The following ANKRD11 variants were observed in gnomAD, a reference collection of about 807,000 sequenced individuals.
The protein encoded by ANKRD11 is ankyrin repeat domain 11.
Under a neutral mutation model 195.7 loss-of-function variants are expected in ANKRD11, and 17 were observed. The observed-to-expected ratio is 0.09, with a 90% confidence interval of 0.06 to 0.13. The LOEUF is 0.13. Ranked by LOEUF, ANKRD11 falls within the 10% of genes least tolerant of loss-of-function variation. ANKRD11 has a pLI of 1.00. For missense variants in ANKRD11, 3,735 were observed against 3,566.1 expected, an observed-to-expected ratio of 1.05 and a Z score of -1.21; for synonymous variants, 1,953 against 1,528.1, an observed-to-expected ratio of 1.28 and a Z score of -6.49.
intron 1 of ANKRD11, among the ~76,000 whole-genome samples, chr16:89,480,295 C>T (rs905142731): frequency 2.6e-5 from 4 of 151,240 alleles, no homozygotes; most frequent in African/African-American, 7.3e-5. Context: ...GCTAACATGG[C>T]GAAACCCTGA....
chr16:89,276,575 C>A (rs1420755937), intron 9 of ANKRD11, among the ~76,000 whole-genome samples: 2 of 152,192 alleles, frequency 1.3e-5, no homozygotes, highest in African/African-American at 4.8e-5. Context: ...CACTGCTGAC[C>A]GACACTGCCC....
At chr16:89,453,519 GCTAAGGTGTCCCCTAGGA>G (rs1439860115) in intron 1 of ANKRD11, among the ~76,000 whole-genome samples, 1 of 152,194 alleles carries the variant, frequency 6.6e-6, no homozygotes, top group Non-Finnish European at 1.5e-5. Flanking sequence ...CGTCCTGCCT[GCTAAGGTGTCCCCTAGGA>G]CAAAGCTGCT....
Position 89,490,540 on chromosome 16 carries a change from G to T in ANKRD11, c.-440C>A, listed in dbSNP as rs1280712275. On this transcript the variant is annotated 5_prime_UTR_variant, in exon 1 of 13. Coordinates refer to ENST00000301030, the MANE Select transcript of ANKRD11 (RefSeq NM_013275.6). ...CCGGCTGGGGCCCTCGGTCCATCGC[G>T]CACCGTCTCAGGGCGGCCTCTGGCT... is the stretch of plus-strand genomic sequence containing the variant. 2 of 456,688 alleles carry T rather than the reference G, an allele frequency of 4.4e-6. No homozygotes were observed. The highest frequency in any genetic ancestry group is 7.8e-6 in the Non-Finnish European group (2 of 256,074). 28.3% of individuals were successfully genotyped at this position (456,688 alleles called of 1,614,324 possible).
At chr16:89,458,432 G>C (rs1453623068) in intron 1 of ANKRD11, among the ~76,000 whole-genome samples, 1 of 152,076 alleles carries the variant, frequency 6.6e-6, no homozygotes. Context: ...CACCATGTTA[G>C]CCAGGATGGT....
At chr16:89,337,410 G>T (rs972568565) in intron 2 of ANKRD11, among the ~76,000 whole-genome samples, 1 of 130,056 alleles carries the variant, frequency 7.7e-6, no homozygotes, top group South Asian at 2.7e-4. Context: ...CACAATACAT[G>T]AACATGGTCT....
rs556312928 is a variant in ANKRD11 at position 89,409,888 on chromosome 16, G to A, written c.-60+8396C>T. 4.0e-5 allele frequency among the ~76,000 whole-genome samples: 6 copies of A among 151,150 alleles called. No homozygotes were observed. The South Asian group carries it at 1.2e-3, about 31-fold the overall frequency. On this transcript the variant is annotated intron_variant, in intron 2 of 12. Coordinates refer to ENST00000301030, the MANE Select transcript of ANKRD11 (RefSeq NM_013275.6). ...GGAGTCTCGCTCTGTCGCCCAGGCT[G>A]GAGTGTAGTGGCACAATCTCAACTC...
chr16:89,441,014 G>C (rs1169711546), intron 1 of ANKRD11, among the ~76,000 whole-genome samples: 1 of 152,186 alleles, frequency 6.6e-6, no homozygotes, highest in African/African-American at 2.4e-5. Flanking sequence ...GAGGCGGGCA[G>C]ATCATGAGGT....
chr16:89,340,853 G>C (rs995310997), intron 2 of ANKRD11, among the ~76,000 whole-genome samples: 7 of 152,184 alleles, frequency 4.6e-5, no homozygotes, highest in African/African-American at 1.7e-4. Flanking sequence ...AGGATGCACA[G>C]CTTTTGCCCA....
intron 3 of ANKRD11, among the ~76,000 whole-genome samples, chr16:89,307,875 CCACCAT>C (rs1567619346): frequency 1.3e-5 from 2 of 152,256 alleles, no homozygotes; most frequent in Non-Finnish European, 2.9e-5. Context: ...TGAAGAGAGG[CCACCAT>C]CACCCTAATC....
intron 2 of ANKRD11, among the ~76,000 whole-genome samples, chr16:89,365,907 G>A (rs1165874795): frequency 6.6e-6 from 1 of 151,946 alleles, no homozygotes; most frequent in African/African-American, 2.4e-5. Flanking sequence ...GTCCCTCTCT[G>A]TGTCCACGTG....
At chr16:89,464,804 C>T (rs779738327) in intron 1 of ANKRD11, among the ~76,000 whole-genome samples, 10 of 151,898 alleles carry the variant, frequency 6.6e-5, no homozygotes, top group Non-Finnish European at 1.3e-4. Context: ...AGGAAGAAGC[C>T]GCAGAGATCA....
intron 1 of ANKRD11, among the ~76,000 whole-genome samples, chr16:89,474,292 T>C (rs1158405645): frequency 6.6e-6 from 1 of 152,062 alleles, no homozygotes; most frequent in Admixed American, 6.6e-5. Flanking sequence ...AATAAATGTG[T>C]TGTGTGTCAA....
chr16:89,440,206 G>C (rs1046865162), intron 1 of ANKRD11, among the ~76,000 whole-genome samples: 3 of 152,226 alleles, frequency 2.0e-5, no homozygotes, highest in Admixed American at 2.0e-4. Flanking sequence ...GAAGAATTCA[G>C]TGTGCTGTAA....
intron 1 of ANKRD11, among the ~76,000 whole-genome samples, chr16:89,462,971 A>C (rs1445006388): frequency 6.9e-6 from 1 of 144,238 alleles, no homozygotes; most frequent in Non-Finnish European, 1.5e-5. Flanking sequence ...CCCCCCCGCC[A>C]GGCCAGCCGC....
At chr16:89,368,600 G>A (rs575202127) in intron 2 of ANKRD11, among the ~76,000 whole-genome samples, 5 of 145,484 alleles carry the variant, frequency 3.4e-5, no homozygotes, top group South Asian at 2.2e-4. Flanking sequence ...ATAAAAACAC[G>A]CAGCTCTTAA....
At chr16:89,304,847 T>C (rs1249513251) in intron 4 of ANKRD11, among the ~76,000 whole-genome samples, 2 of 152,248 alleles carry the variant, frequency 1.3e-5, no homozygotes, top group African/African-American at 4.8e-5. Context: ...TTTCTTCCTG[T>C]GCCTTTGTGG....
intron 2 of ANKRD11, among the ~76,000 whole-genome samples, chr16:89,355,789 G>A (rs751667911): frequency 6.6e-6 from 1 of 152,200 alleles, no homozygotes; most frequent in African/African-American, 2.4e-5. Context: ...CATCTGCACC[G>A]AGGCCCTGCC....
intron 1 of ANKRD11, among the ~76,000 whole-genome samples, chr16:89,473,765 T>C (rs1381301289): frequency 3.9e-5 from 6 of 152,050 alleles, no homozygotes; most frequent in Admixed American, 1.3e-4. Context: ...CCTGGCAATC[T>C]CCCCACCCAG....
At chr16:89,466,424 C>T (rs944646797) in intron 1 of ANKRD11, among the ~76,000 whole-genome samples, 1 of 152,026 alleles carries the variant, frequency 6.6e-6, no homozygotes. Flanking sequence ...GTGATGGGTG[C>T]ACAATATAAT....
Sources: gnomAD v4.1 joint callset for allele counts (sites outside exome capture counted in the v4.1 genomes callset) on GRCh38, gnomAD v4.1.1 for gene constraint, MANE v1.5 for transcripts, NCBI Gene and HGNC (gene_info 2026-07-23, HGNC 2026-07-21) for gene names.